LRBA: variants seen among roughly 807,000 people sequenced by gnomAD.
The protein encoded by LRBA is LPS responsive beige-like anchor protein, also known as lipopolysaccharide-responsive and beige-like anchor protein.
LRBA carries 176 observed loss-of-function variants against 330.0 expected under a neutral mutation model. The ratio of observed to expected loss-of-function variants is 0.53; its 90% CI spans 0.47 to 0.60. The LOEUF is 0.60. Among genes scored for constraint, LRBA ranks in the 20% least tolerant of loss-of-function variants. LRBA has a pLI of 0.00. For synonymous variants in LRBA, 1,230 were observed against 1,193.0 expected (o/e 1.03, Z -0.64); for missense variants, 3,259 against 3,444.8 (o/e 0.95, Z 1.35).
intron 35 of LRBA, among the ~76,000 whole-genome samples, chr4:150,739,777 A>G (rs1282901832): frequency 1.3e-5 from 2 of 152,206 alleles, no homozygotes; most frequent in Non-Finnish European, 2.9e-5. Context: ...CCCAGACAAC[A>G]GCCCGCAAAG....
At chr4:150,701,270 A>T (rs1374276478) in intron 36 of LRBA, among the ~76,000 whole-genome samples, 2 of 152,184 alleles carry the variant, frequency 1.3e-5, no homozygotes, top group Non-Finnish European at 2.9e-5. Flanking sequence ...ATACCTCTTG[A>T]AAGACCTGAC....
chr4:150,436,601 C>T (rs1013596194), intron 45 of LRBA, 123 bp downstream of exon 45: 11 of 700,274 alleles, frequency 1.6e-5, no homozygotes, highest in Non-Finnish European at 2.5e-5. Flanking sequence ...ATAATTAGAA[C>T]TTCAATAATT....
intron 40 of LRBA, among the ~76,000 whole-genome samples, chr4:150,533,564 A>G (rs1365621134): frequency 2.0e-5 from 3 of 152,148 alleles, no homozygotes; most frequent in African/African-American, 7.2e-5. Flanking sequence ...CATGTGTGTC[A>G]GCTATCAATT....
At chr4:150,948,211 T>C (rs756531751) in intron 2 of LRBA, among the ~76,000 whole-genome samples, 2 of 152,010 alleles carry the variant, frequency 1.3e-5, no homozygotes, top group African/African-American at 4.8e-5. Context: ...AAAGAATCCA[T>C]CTACCCAATT....
chr4:150,321,994 T>C lies in LRBA; in HGVS notation c.7453-626A>G, dbSNP rs563624923. ...TAATTATAAAGGTGTTTGAAAGCAA[T>C]GCATAAATGTACTTGTAAAAACAAT... On this transcript the variant is annotated intron_variant, in intron 49 of 56. Transcript: ENST00000651943. This position sits in a 1 kb window ranked among gnomAD's most constrained non-coding sequence, Gnocchi z 4.5. 1.3e-5 allele frequency among the ~76,000 whole-genome samples: 2 copies of C among 152,296 alleles called. No individual in the cohort carries two copies. The highest frequency in any genetic ancestry group is 6.5e-5 in the Admixed American group (1 of 15,292).
chr4:150,867,717 C>T lies in LRBA; in HGVS notation c.2720G>A (p.Gly907Asp), dbSNP rs1297493381. ...LLYHAVKYEW[G>D]GWRVWVDTLS... is the part of the protein sequence containing the mutation. ...AGTGTCTACCCATACACGCCAGCCA[C>T]CCCACTCATATTTGACTGCATGGTA... The change falls in exon 22 of 57, where the codon GGT becomes GAT. Residue 907 changes from glycine to aspartate, a missense_variant. Coordinates refer to ENST00000651943, the MANE Select transcript of LRBA (RefSeq NM_001364905.1). 6.2e-7 allele frequency: 1 copy of T among 1,613,512 alleles called. No homozygotes were observed. Among genetic ancestry groups the T allele is most frequent in the Non-Finnish European group, 8.5e-7 (1 of 1,179,798 alleles).
chr4:150,723,902 A>C (rs757986506), intron 36 of LRBA, among the ~76,000 whole-genome samples: 2 of 152,194 alleles, frequency 1.3e-5, no homozygotes, highest in African/African-American at 2.4e-5. Flanking sequence ...GGCTCTCAGT[A>C]AACATCAGTG....
At chr4:150,732,651 C>T (rs1730617102) in intron 36 of LRBA, among the ~76,000 whole-genome samples, 1 of 151,926 alleles carries the variant, frequency 6.6e-6, no homozygotes. Flanking sequence ...ATTATTAGTA[C>T]AGTGAATATA....
At chr4:150,452,174 A>C (rs72734467) in intron 44 of LRBA, among the ~76,000 whole-genome samples, 1 of 152,320 alleles carries the variant, frequency 6.6e-6, no homozygotes, top group Non-Finnish European at 1.5e-5. Flanking sequence ...ATATTTGCAA[A>C]TGGGATCCAG....
At chr4:150,730,668 G>A (rs1474651686) in intron 36 of LRBA, among the ~76,000 whole-genome samples, 2 of 141,614 alleles carry the variant, frequency 1.4e-5, no homozygotes, top group Non-Finnish European at 3.0e-5. Flanking sequence ...GCGTGACAGA[G>A]TGAGGCTCTG....
chr4:150,292,783 C>A (rs919084270), intron 53 of LRBA, among the ~76,000 whole-genome samples: 2 of 152,058 alleles, frequency 1.3e-5, no homozygotes, highest in African/African-American at 4.8e-5. Context: ...GTACTATAAA[C>A]CTGCAAATTA....
intron 36 of LRBA, among the ~76,000 whole-genome samples, chr4:150,729,577 T>A (rs894109114): frequency 6.6e-6 from 1 of 152,152 alleles, no homozygotes. Context: ...TTAAACAAAG[T>A]AATCTACAGA....
chr4:150,403,005 C>T (rs1280369246), intron 47 of LRBA, among the ~76,000 whole-genome samples: 2 of 152,182 alleles, frequency 1.3e-5, no homozygotes, highest in East Asian at 1.9e-4. Flanking sequence ...AAGAAATTTT[C>T]GTTTGAGATA....
chr4:150,656,057 G>C (rs1037615285), intron 37 of LRBA, among the ~76,000 whole-genome samples: 1 of 152,118 alleles, frequency 6.6e-6, no homozygotes, highest in Admixed American at 6.5e-5. Context: ...TCTGGGTTTT[G>C]GAAGGGTTTT....
rs531709614 is a variant in LRBA, at chr4:150,492,433, T to C, written c.6331-1398A>G. Among the ~76,000 whole-genome samples, 15 of 152,156 alleles carry C rather than the reference T, an allele frequency of 9.9e-5. No individual in the cohort carries two copies. In the South Asian group the frequency reaches 2.9e-3, roughly 30 times the overall value. On this transcript the variant is annotated intron_variant, in intron 40 of 56. Coordinates refer to ENST00000651943, the MANE Select transcript of LRBA (RefSeq NM_001364905.1). ...AACGCCTATGTAAAATAAAGGTAAA[T>C]GAACAGGAAACGAGAGGACAAAAAT...
chr4:150,278,986 G>C (rs376666334), intron 55 of LRBA, among the ~76,000 whole-genome samples: 1 of 151,952 alleles, frequency 6.6e-6, no homozygotes, highest in Non-Finnish European at 1.5e-5. Flanking sequence ...CACAACACCC[G>C]TCTAACTTTT....
At chr4:150,510,076 G>A (rs967546174) in intron 40 of LRBA, among the ~76,000 whole-genome samples, 2 of 152,130 alleles carry the variant, frequency 1.3e-5, no homozygotes, top group African/African-American at 4.8e-5. Context: ...GGAGGTGGAG[G>A]TTGCAGTGAG....
In LRBA at chr4:150,740,643, T is replaced by TAAA. The variant is rs34194284; in HGVS notation, c.5646-5280_5646-5278dup. On this transcript the variant is annotated intron_variant, in intron 35 of 56. Coordinates refer to ENST00000651943, the MANE Select transcript of LRBA (RefSeq NM_001364905.1). ...TCTGCATGTCAAACAGAAAGAATGG[T>TAAA]AAAAAAAAAAAAAAAAGTTAAAACT... Among the ~76,000 whole-genome samples, 772 of 136,148 alleles carry TAAA rather than the reference T, an allele frequency of 5.7e-3. 6 individuals carry two copies. The highest frequency in any genetic ancestry group is 0.019 in the African/African-American group (699 of 36,646). The allele number at this position is 136,148 out of a possible 152,430, so 89.3% of individuals were successfully genotyped here.
chr4:150,955,872 AC>A (rs1203098376), intron 2 of LRBA, among the ~76,000 whole-genome samples: 5 of 148,718 alleles, frequency 3.4e-5, no homozygotes, highest in Non-Finnish European at 7.4e-5. Flanking sequence ...AGCCTGGGCA[AC>A]AGAGAGAGAC....
Sources: gnomAD v4.1 joint callset for allele counts (sites outside exome capture counted in the v4.1 genomes callset) on GRCh38, gnomAD v4.1.1 for gene constraint, Gnocchi (gnomAD v3.1) non-coding constraint, MANE v1.5 for transcripts, NCBI Gene and HGNC (gene_info 2026-07-23, HGNC 2026-07-21) for gene names.